The following SMOC2 variants were observed in gnomAD, a reference collection of about 807,000 sequenced individuals.
The protein encoded by SMOC2 is SPARC-related modular calcium-binding protein 2.
In SMOC2, 39 loss-of-function variants were observed where a neutral mutation model predicts 61.4. The observed-to-expected ratio is 0.64, with a 90% CI of 0.49 to 0.83. The LOEUF (loss-of-function observed/expected upper bound fraction) is 0.83. Among genes scored for constraint, SMOC2 ranks in the 40% least tolerant of loss-of-function variants. The pLI, the probability that SMOC2 is intolerant of heterozygous loss-of-function variation, is 0.00. For missense variants in SMOC2, 556 were observed against 592.9 expected, an observed-to-expected ratio of 0.94 and a Z score of 0.65; for synonymous variants, 247 against 239.9, an observed-to-expected ratio of 1.03 and a Z score of -0.27.
At chr6:168,628,522 C>T (rs1002565427) in intron 9 of SMOC2, among the ~76,000 whole-genome samples, 7 of 152,212 alleles carry the variant, frequency 4.6e-5, no homozygotes, top group Admixed American at 2.0e-4. Context: ...ACAGCTTCCA[C>T]ATTAGGAAAC....
chr6:168,559,257 A>G (rs1394663482), intron 7 of SMOC2, among the ~76,000 whole-genome samples: 1 of 152,036 alleles, frequency 6.6e-6, no homozygotes, highest in Non-Finnish European at 1.5e-5. Flanking sequence ...GGAGTTCGAG[A>G]CCAGCCTGGC....
chr6:168,602,924 G>A (rs1785589424), intron 8 of SMOC2, among the ~76,000 whole-genome samples: 1 of 152,100 alleles, frequency 6.6e-6, no homozygotes, highest in Admixed American at 6.5e-5. Flanking sequence ...GTTTGAATGG[G>A]GAGTGACAGG....
chr6:168,500,030 G>T (rs1334961934), intron 1 of SMOC2, among the ~76,000 whole-genome samples: 1 of 152,136 alleles, frequency 6.6e-6, no homozygotes, highest in Non-Finnish European at 1.5e-5. Flanking sequence ...GTCCATGCCG[G>T]GTGCAGTGGC....
At chr6:168,582,789 A>G (rs962863907) in intron 7 of SMOC2, among the ~76,000 whole-genome samples, 2 of 152,186 alleles carry the variant, frequency 1.3e-5, no homozygotes, top group African/African-American at 4.8e-5. Context: ...GCTTAGTAAC[A>G]TTCAGAAGAC....
chr6:168,554,728 G>T lies in SMOC2; in HGVS notation c.637+5525G>T, dbSNP rs1262680706. Reference sequence around the variant, plus strand: ...CGTGGCCCACTGGCAAGGTGAATTTGGTTGCTTTCCTTAACACCGTGTGCC... The same window carrying T: ...CGTGGCCCACTGGCAAGGTGAATTTTGTTGCTTTCCTTAACACCGTGTGCC... On this transcript the variant is annotated intron_variant, in intron 7 of 12. Transcript: ENST00000356284. Among the ~76,000 whole-genome samples, 3 of 152,238 alleles carry T rather than the reference G, an allele frequency of 2.0e-5. No individual in the cohort carries two copies. The East Asian group carries it at 5.8e-4, about 29-fold the overall frequency.
intron 9 of SMOC2, among the ~76,000 whole-genome samples, chr6:168,632,401 C>T (rs537876479): frequency 6.6e-6 from 1 of 152,146 alleles, no homozygotes; most frequent in Non-Finnish European, 1.5e-5. Flanking sequence ...AACCAGAAAC[C>T]GTGTATGAAA....
Position 168,666,621 on chromosome 6 carries a change from C to A in SMOC2, c.*183C>A. 1.5e-6 allele frequency: 1 copy of A among 669,486 alleles called. No individual in the cohort carries two copies. Among genetic ancestry groups the A allele is most frequent in the Non-Finnish European group, 2.6e-6 (1 of 386,608 alleles). 41.5% of individuals were successfully genotyped at this position (669,486 alleles called of 1,614,324 possible). A position where few individuals can be genotyped will look rare whatever the true frequency, so the allele number is the denominator to read the frequency against. Reference sequence around the variant, plus strand: ...ATCTGTGAAAATGGAGAGCTGGCTTCAGAAAATTAATCACATACAATGTAT... The same window carrying A: ...ATCTGTGAAAATGGAGAGCTGGCTTAAGAAAATTAATCACATACAATGTAT... On this transcript the variant is annotated 3_prime_UTR_variant, in exon 13 of 13. Transcript: ENST00000356284.
At chr6:168,484,359 A>G (rs1438155575) in intron 1 of SMOC2, among the ~76,000 whole-genome samples, 1 of 152,206 alleles carries the variant, frequency 6.6e-6, no homozygotes, top group Non-Finnish European at 1.5e-5. Context: ...CATGCTTAGC[A>G]TCATGGAAAT....
chr6:168,564,724 C>T (rs1412333440), intron 7 of SMOC2, among the ~76,000 whole-genome samples: 3 of 152,198 alleles, frequency 2.0e-5, no homozygotes, highest in Non-Finnish European at 4.4e-5. Flanking sequence ...TCACCTGAGT[C>T]CCCCTTTGTG....
rs11284179 is a variant in SMOC2, at chr6:168,623,329, A to ATTTTTTTTTTTTTTTTTTTTTTTT, written c.907+15109_907+15110insTTTTTTTTTTTTTTTTTTTTTTTT. ...GTTTTGGCTGAGACATGGATAATTA[A>ATTTTTTTTTTTTTTTTTTTTTTTT]TTTTTTTTTTTTTTTTTTTGAGACA... is the stretch of plus-strand genomic sequence containing the variant. On this transcript the variant is annotated intron_variant, in intron 9 of 12. Transcript: ENST00000356284. Among the ~76,000 whole-genome samples, 3 of 129,108 alleles carry ATTTTTTTTTTTTTTTTTTTTTTTT rather than the reference A, an allele frequency of 2.3e-5. 1 individual carries two copies. The highest frequency in any genetic ancestry group is 4.8e-5 in the Non-Finnish European group (3 of 62,964). The allele number at this position is 129,108 out of a possible 152,430, so 84.7% of individuals were successfully genotyped here.
chr6:168,581,663 A>G (rs889736033), intron 7 of SMOC2, among the ~76,000 whole-genome samples: 3 of 152,232 alleles, frequency 2.0e-5, no homozygotes, highest in African/African-American at 7.2e-5. Flanking sequence ...AGAAAGGGAG[A>G]ACAATTATTA....
intron 11 of SMOC2, among the ~76,000 whole-genome samples, chr6:168,655,975 T>C (rs1787313324): frequency 1.3e-5 from 2 of 152,152 alleles, no homozygotes; most frequent in African/African-American, 4.8e-5. Context: ...TAGATCCCAC[T>C]GTACACGTGT....
At chr6:168,609,436 G>A (rs6931868) in intron 9 of SMOC2, among the ~76,000 whole-genome samples, 38,815 of 152,046 alleles carry the variant, frequency 0.26, 5,052 homozygotes, top group Non-Finnish European at 0.27. Context: ...TCTGGATCTC[G>A]CAGGTGAGGG....
intron 1 of SMOC2, among the ~76,000 whole-genome samples, chr6:168,460,855 A>G (rs1435349803): frequency 2.0e-5 from 3 of 152,194 alleles, no homozygotes. Flanking sequence ...CATATTGTAG[A>G]TATTCTTTGA....
intron 11 of SMOC2, among the ~76,000 whole-genome samples, chr6:168,663,806 A>C (rs772271694): frequency 6.6e-6 from 1 of 152,248 alleles, no homozygotes; most frequent in Non-Finnish European, 1.5e-5. Flanking sequence ...GATTTAAAGT[A>C]TATAGGAGGT....
chr6:168,532,528 AC>A (rs66488033), intron 4 of SMOC2, among the ~76,000 whole-genome samples: 46,569 of 151,970 alleles, frequency 0.31, 8,336 homozygotes, highest in Non-Finnish European at 0.39. Flanking sequence ...GGTGTTTGCA[AC>A]CCATTCTCCA....
intron 2 of SMOC2, among the ~76,000 whole-genome samples, chr6:168,525,436 G>A (rs1159125302): frequency 1.3e-5 from 2 of 152,222 alleles, no homozygotes; most frequent in South Asian, 2.1e-4. Context: ...GCAAGTTAGG[G>A]AGAAACAAGG....
chr6:168,499,634 G>T (rs1004310496), intron 1 of SMOC2, among the ~76,000 whole-genome samples: 1 of 152,170 alleles, frequency 6.6e-6, no homozygotes, highest in Non-Finnish European at 1.5e-5. Flanking sequence ...TGTCTTCTAC[G>T]TGTGAAGGAA....
chr6:168,601,551 G>A (rs962963829), intron 8 of SMOC2, among the ~76,000 whole-genome samples: 3 of 152,180 alleles, frequency 2.0e-5, no homozygotes, highest in African/African-American at 7.2e-5. Flanking sequence ...TGTTTTCTAA[G>A]AAACCGTTCT....
Sources: allele counts gnomAD v4.1 joint callset (sites outside exome capture counted in the v4.1 genomes callset), GRCh38; gene constraint gnomAD v4.1.1; transcripts MANE v1.5; gene names NCBI Gene and HGNC (gene_info 2026-07-23, HGNC 2026-07-21).